The following CCDC63 variants were observed in gnomAD, a reference collection of about 807,000 sequenced individuals.
CCDC63 encodes the protein coiled-coil domain containing 63.
In CCDC63, 54 loss-of-function variants were observed where a neutral mutation model predicts 63.6. The observed-to-expected ratio is 0.85, with a 90% CI of 0.68 to 1.07. CCDC63 has a LOEUF of 1.07. Ranked by LOEUF, CCDC63 falls within the 50% of genes least tolerant of loss-of-function variation. The pLI is 0.00. For synonymous variants in CCDC63, 253 were observed against 266.1 expected, an observed-to-expected ratio of 0.95 and a Z score of 0.48; for missense variants, 637 against 689.6, an observed-to-expected ratio of 0.92 and a Z score of 0.86.
chr12:110,869,726 G>C (rs2071038901), intron 4 of CCDC63, among the ~76,000 whole-genome samples: 1 of 152,086 alleles, frequency 6.6e-6, no homozygotes, highest in African/African-American at 2.4e-5. Flanking sequence ...GGTATAGAGA[G>C]ACACTAACAT....
At chr12:110,871,299 G>T (rs538767554) in intron 4 of CCDC63, among the ~76,000 whole-genome samples, 1 of 151,898 alleles carries the variant, frequency 6.6e-6, no homozygotes, top group African/African-American at 2.4e-5. Flanking sequence ...CCGCCACCAC[G>T]CCTGGCTATT....
intron 4 of CCDC63, among the ~76,000 whole-genome samples, chr12:110,868,548 A>G (rs1043227692): frequency 4.6e-5 from 7 of 151,076 alleles, no homozygotes; most frequent in Admixed American, 2.6e-4. Context: ...CGGCCAACAC[A>G]GCGAAACCCC....
intron 5 of CCDC63, among the ~76,000 whole-genome samples, chr12:110,879,019 C>T (rs934032002): frequency 1.3e-5 from 2 of 152,138 alleles, no homozygotes; most frequent in South Asian, 2.1e-4. Flanking sequence ...CATTTTTCCC[C>T]TGAAGTATTT....
chr12:110,876,129 G>A (rs1355576174), intron 5 of CCDC63, among the ~76,000 whole-genome samples: 2 of 149,842 alleles, frequency 1.3e-5, no homozygotes, highest in African/African-American at 2.5e-5. Flanking sequence ...AAAAAGGTTA[G>A]GCAGCCATCT....
At chr12:110,887,118 T>A (rs547102686) in intron 8 of CCDC63, among the ~76,000 whole-genome samples, 222 of 151,974 alleles carry the variant, frequency 1.5e-3, no homozygotes, top group African/African-American at 4.7e-3. Context: ...ACTTTTTTTT[T>A]AAATTTTCTT....
intron 4 of CCDC63, among the ~76,000 whole-genome samples, chr12:110,871,416 C>T (rs574359109): frequency 2.6e-5 from 4 of 152,208 alleles, no homozygotes; most frequent in Non-Finnish European, 4.4e-5. Flanking sequence ...GCTGGGATTA[C>T]AGGCGTGAGC....
chr12:110,893,068 C>A lies in CCDC63; in HGVS notation c.1075-8C>A. ...CTTTTCCTCATGGTCTTGTTCTCTC[C>A]CGAGCAGGACGAGATCATCCTCTTG... On this transcript the variant is annotated splice_region_variant and splice_polypyrimidine_tract_variant and intron_variant, in intron 8 of 11. Coordinates refer to ENST00000308208, the MANE Select transcript of CCDC63 (RefSeq NM_152591.3). 6.2e-7 allele frequency: 1 copy of A among 1,613,612 alleles called. No individual in the cohort carries two copies. The highest frequency in any genetic ancestry group is 1.7e-4 in the Middle Eastern group (1 of 6,058).
intron 9 of CCDC63, among the ~76,000 whole-genome samples, chr12:110,895,074 G>A (rs901810239): frequency 1.4e-5 from 2 of 145,528 alleles, no homozygotes; most frequent in Non-Finnish European, 1.5e-5. Context: ...CCACCATGCC[G>A]AGATAACTTT....
At chr12:110,895,390 T>C (rs2071406027) in intron 9 of CCDC63, among the ~76,000 whole-genome samples, 1 of 152,182 alleles carries the variant, frequency 6.6e-6, no homozygotes, top group Non-Finnish European at 1.5e-5. Context: ...GCTGGGATTA[T>C]AGGCGTGAGT....
chr12:110,886,964 C>T (rs1289575455), intron 8 of CCDC63, among the ~76,000 whole-genome samples: 3 of 152,206 alleles, frequency 2.0e-5, no homozygotes, highest in African/African-American at 7.2e-5. Flanking sequence ...CGCACAGCAT[C>T]TCCTGCACAA....
chr12:110,890,465 A>G (rs1006971264), intron 8 of CCDC63, among the ~76,000 whole-genome samples: 35 of 152,324 alleles, frequency 2.3e-4, no homozygotes, highest in Middle Eastern at 3.4e-3. Flanking sequence ...GAATTTTCCA[A>G]ATTGTGTAAA....
chr12:110,905,887 TATA>T (rs565528548), intron 11 of CCDC63, among the ~76,000 whole-genome samples: 259 of 15,094 alleles, frequency 0.017, 4 homozygotes, highest in African/African-American at 0.046. Flanking sequence ...TGTGTATATA[TATA>T]ATATTATATA....
intron 4 of CCDC63, among the ~76,000 whole-genome samples, chr12:110,868,756 AG>A (rs1223387561): frequency 1.7e-4 from 1 of 5,884 alleles, no homozygotes; most frequent in Non-Finnish European, 3.3e-4. Flanking sequence ...GGGGAGGGGA[AG>A]GGGGAGGGGG....
At chr12:110,853,305 G>T in intron 2 of CCDC63, 100 bp from the exon 3 acceptor site, 1 of 1,224,420 alleles carries the variant, frequency 8.2e-7, no homozygotes. Context: ...TTCTAGCCAT[G>T]GCCCAGCCAC....
chr12:110,865,865 C>T (rs542141600), intron 4 of CCDC63, among the ~76,000 whole-genome samples: 3 of 152,332 alleles, frequency 2.0e-5, no homozygotes, highest in Non-Finnish European at 2.9e-5. Flanking sequence ...GGAATAAGAC[C>T]GTGAAGGTCG....
rs1356368672 is a variant in CCDC63, at chr12:110,907,076, A to G, written c.1547-255A>G. 4.6e-5 allele frequency among the ~76,000 whole-genome samples: 7 copies of G among 152,242 alleles called. No individual in the cohort carries two copies. Among genetic ancestry groups the G allele is most frequent in the African/African-American group, 1.4e-4 (6 of 41,470 alleles). The stretch of plus-strand genomic sequence containing the variant: ...CCTCAGGTGTCTTTGTGCAGTGCAC[A>G]TCCTGAACAACTGCACATGGTGGCC... On this transcript the variant is annotated intron_variant, in intron 11 of 11. Coordinates refer to ENST00000308208, the MANE Select transcript of CCDC63 (RefSeq NM_152591.3). The surrounding 1 kb of genome is among the most constrained non-coding windows in gnomAD (Gnocchi z 4.4).
chr12:110,888,066 C>T (rs1023310044), intron 8 of CCDC63, among the ~76,000 whole-genome samples: 1 of 152,188 alleles, frequency 6.6e-6, no homozygotes, highest in Non-Finnish European at 1.5e-5. Flanking sequence ...AATCCGAGTT[C>T]CTACAAACGG....
chr12:110,884,596 G>A (rs1019984522), intron 8 of CCDC63, among the ~76,000 whole-genome samples: 1 of 151,988 alleles, frequency 6.6e-6, no homozygotes, highest in Non-Finnish European at 1.5e-5. Context: ...GGCTGGTCTC[G>A]AACTCCTGAC....
At chr12:110,849,355 GTCTTTCC>G (rs2136635127) in intron 1 of CCDC63, among the ~76,000 whole-genome samples, 1 of 152,256 alleles carries the variant, frequency 6.6e-6, no homozygotes, top group Non-Finnish European at 1.5e-5. Context: ...ATTTTTTCCT[GTCTTTCC>G]TCTTTGCTGT....
Sources: allele counts gnomAD v4.1 joint callset (sites outside exome capture counted in the v4.1 genomes callset), GRCh38; gene constraint gnomAD v4.1.1; non-coding constraint Gnocchi (gnomAD v3.1); transcripts MANE v1.5; gene names NCBI Gene and HGNC (gene_info 2026-07-23, HGNC 2026-07-21).